Variants in OTOP3 observed in about 807,000 individuals in gnomAD.
The protein encoded by OTOP3 is otopetrin 3.
Under a neutral mutation model 50.8 loss-of-function variants are expected in OTOP3, and 41 were observed. That is an observed-to-expected ratio of 0.81 (90% CI 0.63 to 1.05). The LOEUF is 1.05. Among genes scored for constraint, OTOP3 ranks in the 50% least tolerant of loss-of-function variants. OTOP3 has a pLI of 0.00. For synonymous variants in OTOP3, 320 were observed against 324.4 expected, an observed-to-expected ratio of 0.99 and a Z score of 0.14; for missense variants, 788 against 760.8, an observed-to-expected ratio of 1.04 and a Z score of -0.42.
chr17:74,936,274 G>A (rs1412355697), intron 1 of OTOP3, among the ~76,000 whole-genome samples: 2 of 152,182 alleles, frequency 1.3e-5, no homozygotes, highest in African/African-American at 2.4e-5. Flanking sequence ...CCGGTCTGGG[G>A]CACGCAGGAA....
chr17:74,941,582 A>G lies in OTOP3; in HGVS notation c.209A>G (p.Gln70Arg), dbSNP rs567864712. The change falls in exon 2 of 7, where the codon CAA becomes CGA. Residue 70 changes from glutamine to arginine, a missense_variant. By Grantham distance (43) the Gln-to-Arg change is conservative (BLOSUM62 1). Coordinates refer to ENST00000328801, the MANE Select transcript of OTOP3 (RefSeq NM_001272005.2). ...GACCGGCAGGCCCAGAAGGCTGGAC[A>G]ACTCTTCTCGGGGCTCCTGGCCCTG... ...RRDRQAQKAG[Q>R]LFSGLLALNV... 18 of 1,611,846 alleles carry G rather than the reference A, an allele frequency of 1.1e-5. No homozygotes were observed. The East Asian group carries it at 4.0e-4, about 36-fold the overall frequency.
chr17:74,947,314 G>A lies in OTOP3; in HGVS notation c.1405G>A (p.Gly469Arg). The change falls in exon 6 of 7, where the codon GGA (glycine) becomes AGA (arginine). Residue 469 changes from glycine (G) to arginine (R), a missense_variant. By Grantham distance (125) the Gly-to-Arg change is moderately radical (BLOSUM62 -2). Coordinates refer to ENST00000328801, the MANE Select transcript of OTOP3 (RefSeq NM_001272005.2). ...GGAGACAGTTCCCGAGGGCCTGGCA[G>A]GAAAGCAGGAGGCTGAGCCTCCCCG... ...LWETVPEGLA[G>R]KQEAEPPRRG... The A allele has an allele frequency of 6.2e-7, 1 of 1,613,378 alleles. No individual in the cohort carries two copies. The highest frequency in any genetic ancestry group is 8.5e-7 in the Non-Finnish European group (1 of 1,179,876).
Position 74,946,862 on chromosome 17 carries a change from G to T in OTOP3, c.953G>T (p.Gly318Val), listed in dbSNP as rs1435270571. The T allele has an allele frequency of 6.2e-7, 1 of 1,610,710 alleles. No homozygotes were observed. The highest frequency in any genetic ancestry group is 1.3e-5 in the African/African-American group (1 of 74,962). ...HPATAPFHLH[G>V]AIFGPLLGLL... Reference sequence around the variant, plus strand: ...GCCACCGCACCCTTCCACCTGCACGGGGCCATCTTCGGGCCGCTGCTGGGC... The same window carrying T: ...GCCACCGCACCCTTCCACCTGCACGTGGCCATCTTCGGGCCGCTGCTGGGC... The change falls in exon 6 of 7, where the codon GGG (glycine) becomes GTG (valine). Residue 318 changes from glycine to valine, a missense_variant. Coordinates refer to ENST00000328801, the MANE Select transcript of OTOP3 (RefSeq NM_001272005.2).
intron 1 of OTOP3, 91 bp from the exon 2 acceptor site, chr17:74,941,302 C>G: frequency 7.4e-7 from 1 of 1,358,412 alleles, no homozygotes; most frequent in Non-Finnish European, 9.8e-7. Flanking sequence ...GGCCGCATAG[C>G]TGACCCTGGG....
intron 1 of OTOP3, among the ~76,000 whole-genome samples, chr17:74,937,301 C>A (rs898440359): frequency 6.6e-6 from 1 of 152,152 alleles, no homozygotes; most frequent in Admixed American, 6.6e-5. Context: ...CTACTATGCA[C>A]CAGCTACTAT....
chr17:74,941,775 C>T lies in OTOP3; in HGVS notation c.402C>T (p.Tyr134=), dbSNP rs2039177171. 6.2e-7 allele frequency: 1 copy of T among 1,613,232 alleles called. No homozygotes were observed. Among genetic ancestry groups the T allele is most frequent in the African/African-American group, 1.3e-5 (1 of 75,028 alleles). Residue 134 remains tyrosine, a synonymous_variant, in exon 2 of 7, where the codon TAC becomes TAT. Transcript: ENST00000328801. The part of the protein sequence containing the change: ...STTRRPHAVL[Y]QDPHAGPLWV... Reference sequence around the variant, plus strand: ...CCCGCCGACCACACGCCGTGCTCTACCAAGATCCCCACGCGGGGCCCCTCT... The same window carrying T: ...CCCGCCGACCACACGCCGTGCTCTATCAAGATCCCCACGCGGGGCCCCTCT...
chr17:74,942,900 G>T (rs556117836), intron 3 of OTOP3, among the ~76,000 whole-genome samples: 5 of 147,982 alleles, frequency 3.4e-5, no homozygotes, highest in Non-Finnish European at 7.5e-5. Flanking sequence ...AGCCGAGATT[G>T]CGCCACTGCA....
chr17:74,941,646 G>A lies in OTOP3; in HGVS notation c.273G>A (p.Met91Ile), dbSNP rs1384792762. 6.2e-7 allele frequency: 1 copy of A among 1,614,162 alleles called. No homozygotes were observed. The highest frequency in any genetic ancestry group is 8.5e-7 in the Non-Finnish European group (1 of 1,180,028). The stretch of plus-strand genomic sequence containing the variant: ...TGGGTGGCGCCTTCATCTGCAGCAT[G>A]ATCTTCAACAAGGTGGCCGTCACTC... ...VFLGGAFICS[M>I]IFNKVAVTLG... Residue 91 changes from methionine to isoleucine, a missense_variant, in exon 2 of 7, where the codon ATG (methionine) becomes ATA (isoleucine). Coordinates refer to ENST00000328801, the MANE Select transcript of OTOP3 (RefSeq NM_001272005.2).
intron 1 of OTOP3, among the ~76,000 whole-genome samples, chr17:74,937,999 C>T (rs890319809): frequency 6.6e-6 from 1 of 152,046 alleles, no homozygotes; most frequent in Non-Finnish European, 1.5e-5. Context: ...GGGAGAAACG[C>T]AGAACTTTCT....
chr17:74,938,251 C>G (rs1034806197), intron 1 of OTOP3, among the ~76,000 whole-genome samples: 1 of 151,918 alleles, frequency 6.6e-6, no homozygotes, highest in Non-Finnish European at 1.5e-5. Flanking sequence ...AGAATGGGAG[C>G]CCGGAGAGGT....
At chr17:74,948,262 A>G (rs1170401038) in intron 6 of OTOP3, among the ~76,000 whole-genome samples, 3 of 152,048 alleles carry the variant, frequency 2.0e-5, no homozygotes, top group Non-Finnish European at 4.4e-5. Context: ...AGTGGCTCAC[A>G]CCTGTAATCC....
intron 3 of OTOP3, 66 bp from the exon 4 acceptor site, chr17:74,943,220 C>G: frequency 7.0e-7 from 1 of 1,421,514 alleles, no homozygotes; most frequent in Non-Finnish European, 1.0e-6. Flanking sequence ...GCATGCGCCC[C>G]AGGAACTCAC....
chr17:74,947,443 A>T lies in OTOP3; in HGVS notation c.1534A>T (p.Ile512Phe), dbSNP rs754842177. 3.7e-6 allele frequency: 6 copies of T among 1,609,786 alleles called. No homozygotes were observed. The highest frequency in any genetic ancestry group is 5.1e-6 in the Non-Finnish European group (6 of 1,177,900). Reference protein sequence around the residue: ...LNWKRRALKEISLFLILCNIT... With the variant: ...LNWKRRALKEFSLFLILCNIT... ...CTGGAAGCGGAGGGCACTCAAGGAG[A>T]TCTCACTCTTCCTCATCCTCTGCAA... Residue 512 changes from isoleucine to phenylalanine, a missense_variant, in exon 6 of 7, where the codon ATC becomes TTC. Ile to Phe is a conservative substitution (Grantham distance 21). Coordinates refer to ENST00000328801, the MANE Select transcript of OTOP3 (RefSeq NM_001272005.2).
At chr17:74,937,064 G>A (rs1044037612) in intron 1 of OTOP3, among the ~76,000 whole-genome samples, 1 of 147,002 alleles carries the variant, frequency 6.8e-6, no homozygotes, top group Non-Finnish European at 1.5e-5. Context: ...CCAGGCTGAA[G>A]CAATCCTCCC....
Position 74,949,374 on chromosome 17 carries a change from G to T in OTOP3, c.1695G>T (p.Met565Ile), listed in dbSNP as rs1325176370. 1 of 1,613,864 alleles carries T rather than the reference G, an allele frequency of 6.2e-7. No homozygotes were observed. The highest frequency in any genetic ancestry group is 8.5e-7 in the Non-Finnish European group (1 of 1,179,966). The change falls in exon 7 of 7, where the codon ATG (methionine) becomes ATT (isoleucine). Residue 565 changes from methionine to isoleucine, a missense_variant. Met to Ile is a conservative substitution (Grantham distance 10). Transcript: ENST00000328801. Reference sequence around the variant, plus strand: ...TGCCTCTGGGGGTCTTCTACCGCATGCACTCTGTGGGAGGCCTGGTGGAGG... The same window carrying T: ...TGCCTCTGGGGGTCTTCTACCGCATTCACTCTGTGGGAGGCCTGGTGGAGG... ...FGLPLGVFYR[M>I]HSVGGLVEVY...
At chr17:74,946,544 G>A (rs543395134) in intron 5 of OTOP3, 117 bp from the exon 6 acceptor site, 34 of 828,826 alleles carry the variant, frequency 4.1e-5, no homozygotes, top group African/African-American at 2.6e-4. Flanking sequence ...TAAAATGAGC[G>A]GCTGGGTCGC....
In OTOP3 at chr17:74,943,588, G is replaced by C; in HGVS notation, c.633-18G>C. 6.2e-7 allele frequency: 1 copy of C among 1,611,386 alleles called. No individual in the cohort carries two copies. Among genetic ancestry groups the C allele is most frequent in the Non-Finnish European group, 8.5e-7 (1 of 1,177,736 alleles). On this transcript the variant is annotated intron_variant, in intron 4 of 6. Transcript: ENST00000328801. ...GAGCCGGCCAGGGTGTGTGAGAAGA[G>C]TGTGGCATTTCCCCCAGGTGTGGCC...
intron 5 of OTOP3, among the ~76,000 whole-genome samples, chr17:74,944,460 T>C (rs2039207026): frequency 6.6e-6 from 1 of 152,188 alleles, no homozygotes; most frequent in Admixed American, 6.5e-5. Context: ...ATTTTGAAAT[T>C]ATAAAATAAT....
In OTOP3 at chr17:74,941,490, A is replaced by T. The variant is rs2039171896; in HGVS notation, c.117A>T (p.Arg39Ser). 1 of 1,612,332 alleles carries T rather than the reference A, an allele frequency of 6.2e-7. No individual in the cohort carries two copies. Among genetic ancestry groups the T allele is most frequent in the African/African-American group, 1.3e-5 (1 of 74,884 alleles). The change falls in exon 2 of 7, where the codon AGA (arginine) becomes AGT (serine). Residue 39 changes from arginine (R) to serine (S), a missense_variant. Coordinates refer to ENST00000328801, the MANE Select transcript of OTOP3 (RefSeq NM_001272005.2). ...GAGTGGATGTGGGGGCCGAGGAGAGAGCGGCCGCCACCCGGCCCCGGCAGA... is the reference window on the plus strand; with the variant it reads ...GAGTGGATGTGGGGGCCGAGGAGAGTGCGGCCGCCACCCGGCCCCGGCAGA... ...ENRVDVGAEE[R>S]AAATRPRQKS...
Sources: allele counts gnomAD v4.1 joint callset (sites outside exome capture counted in the v4.1 genomes callset), GRCh38; gene constraint gnomAD v4.1.1; transcripts MANE v1.5; gene names NCBI Gene and HGNC (gene_info 2026-07-23, HGNC 2026-07-21).